The following THBS2 variants were observed in gnomAD, a reference collection of about 807,000 sequenced individuals.
THBS2 encodes the protein thrombospondin 2.
Under a neutral mutation model 135.2 loss-of-function variants are expected in THBS2, and 47 were observed. That is an observed-to-expected ratio of 0.35 (90% confidence interval 0.28 to 0.44). The LOEUF is 0.44. Ranked by LOEUF, THBS2 falls within the 20% of genes least tolerant of loss-of-function variation. The pLI, the probability that THBS2 is intolerant of heterozygous loss-of-function variation, is 1.00. For synonymous variants in THBS2, 639 were observed against 633.8 expected (o/e 1.01, Z -0.12); for missense variants, 1,288 against 1,603.1 (o/e 0.80, Z 3.36).
chr6:169,240,737 G>A (rs141143212), intron 5 of THBS2, 145 bp from the exon 6 acceptor site: 446 of 1,109,358 alleles, frequency 4.0e-4, no homozygotes, highest in Non-Finnish European at 5.4e-4. Flanking sequence ...TGGAAGTTCC[G>A]GAAGTTGTCC....
intron 21 of THBS2, among the ~76,000 whole-genome samples, chr6:169,219,253 G>A (rs1318349964): frequency 3.4e-5 from 3 of 87,472 alleles, no homozygotes; most frequent in Non-Finnish European, 6.9e-5. Flanking sequence ...TAGATGGATA[G>A]GTGGATGGGT....
At position 169,216,042 on chromosome 6, in the gene THBS2, C is replaced by T. The variant is rs1562350286; in HGVS notation, c.*1780G>A. ...CTCCCACACCATTGTACGGTTGACC[C>T]CACAACACAGAAACAGAAAACCTGC... On this transcript the variant is annotated 3_prime_UTR_variant, in exon 22 of 22. Coordinates refer to ENST00000617924, the MANE Select transcript of THBS2 (RefSeq NM_003247.5). 1 of 152,142 alleles carries T rather than the reference C, an allele frequency of 6.6e-6. No individual in the cohort carries two copies. Among genetic ancestry groups the T allele is most frequent in the Non-Finnish European group, 1.5e-5 (1 of 68,022 alleles). 9.4% of individuals were successfully genotyped at this position (152,142 alleles called of 1,614,324 possible).
chr6:169,224,437 C>G (rs909152853), intron 17 of THBS2, among the ~76,000 whole-genome samples: 3 of 152,208 alleles, frequency 2.0e-5, no homozygotes, highest in Non-Finnish European at 2.9e-5. Flanking sequence ...CCTTCTGATC[C>G]CAGCATCTCC....
Position 169,252,813 on chromosome 6 carries a change from T to C in THBS2, c.-23+911A>G, listed in dbSNP as rs75884205. 2.3e-3 allele frequency among the ~76,000 whole-genome samples: 346 copies of C among 152,340 alleles called. 2 individuals carry two copies. Among genetic ancestry groups the C allele is most frequent in the African/African-American group, 7.9e-3 (329 of 41,578 alleles). On this transcript the variant is annotated intron_variant, in intron 1 of 21. Transcript: ENST00000617924. The surrounding 1 kb of genome is among the most constrained non-coding windows in gnomAD (Gnocchi z 4.3). ...TCCAAAAGAAAGATTTCGGTGCCTGTCTGCAGCAGAATGTAGTTTGAATTT... is the reference window on the plus strand; with the variant it reads ...TCCAAAAGAAAGATTTCGGTGCCTGCCTGCAGCAGAATGTAGTTTGAATTT...
chr6:169,226,089 G>A lies in THBS2; in HGVS notation c.2538+91C>T, dbSNP rs1463889673. 2.8e-5 allele frequency: 39 copies of A among 1,394,660 alleles called. No homozygotes were observed. The South Asian group carries it at 4.4e-4, about 16-fold the overall frequency. 86.4% of individuals were successfully genotyped at this position (1,394,660 alleles called of 1,614,324 possible). A position where few individuals can be genotyped will look rare whatever the true frequency, so the allele number is the denominator to read the frequency against. On this transcript the variant is annotated intron_variant, in intron 16 of 21. Coordinates refer to ENST00000617924, the MANE Select transcript of THBS2 (RefSeq NM_003247.5). ...CATCTGGTCAGGGTTGTGCACCAGGGGCAGTTGTCACAGTGATCCCCCACA... is the reference window on the plus strand; with the variant it reads ...CATCTGGTCAGGGTTGTGCACCAGGAGCAGTTGTCACAGTGATCCCCCACA...
intron 10 of THBS2, 24 bp downstream of exon 10, chr6:169,234,710 C>T: frequency 6.7e-7 from 1 of 1,495,156 alleles, no homozygotes; most frequent in Non-Finnish European, 9.0e-7. Context: ...GGTTTCAGTG[C>T]CCCCGCTTCT....
At chr6:169,236,092 TCCACA>T (rs1780043840) in intron 9 of THBS2, among the ~76,000 whole-genome samples, 1 of 72,130 alleles carries the variant, frequency 1.4e-5, no homozygotes, top group East Asian at 4.3e-4. Context: ...CTCACTCCCA[TCCACA>T]CTCACTCCCC....
At position 169,228,276 on chromosome 6, in the gene THBS2, G is replaced by T. The variant is rs367576679; in HGVS notation, c.2265C>A (p.Asn755Lys). 6.2e-7 allele frequency: 1 copy of T among 1,614,090 alleles called. No individual in the cohort carries two copies. ...DNDGVTDEKD[N>K]CQLLFNPRQA... ...GGCGGGGATTGAAGAGGAGCTGGCAGTTGTCCTGGAAAACCAAGAAAGGGA... is the reference window on the plus strand; with the variant it reads ...GGCGGGGATTGAAGAGGAGCTGGCATTTGTCCTGGAAAACCAAGAAAGGGA... Residue 755 changes from asparagine to lysine, a missense_variant, in exon 15 of 22, where the codon AAC becomes AAA. Coordinates refer to ENST00000617924, the MANE Select transcript of THBS2 (RefSeq NM_003247.5).
chr6:169,225,055 T>G, intron 17 of THBS2, 90 bp downstream of exon 17: 1 of 1,285,828 alleles, frequency 7.8e-7, no homozygotes, highest in South Asian at 1.3e-5. Context: ...GCAGCAGATT[T>G]AAGATGATCT....
At chr6:169,239,497 G>A (rs1780216800) in intron 7 of THBS2, 102 bp downstream of exon 7, 7 of 1,114,406 alleles carry the variant, frequency 6.3e-6, no homozygotes, top group Non-Finnish European at 7.8e-6. Context: ...TCAGGGGGCT[G>A]AACCTCACTC....
At position 169,239,692 on chromosome 6, in the gene THBS2, A is replaced by G. The variant is rs1211247945; in HGVS notation, c.1036T>C (p.Phe346Leu). ...GTGATTTGGTGGCAAATGGTTTTAA[A>G]TTTCTACAAGTGAAGAAAGGCATGC... Reference protein sequence around the residue: ...DSCTTCTCKKFKTICHQITCP... With the variant: ...DSCTTCTCKKLKTICHQITCP... The change falls in exon 7 of 22, where the codon TTT (phenylalanine) becomes CTT (leucine). Residue 346 changes from phenylalanine (F) to leucine (L), a missense_variant. By Grantham distance (22) the Phe-to-Leu change is conservative. Around this residue, in one of 2 missense-constraint regions of THBS2, gnomAD observed 874 missense variants for 1,156.1 expected, o/e 0.76. Coordinates refer to ENST00000617924, the MANE Select transcript of THBS2 (RefSeq NM_003247.5). 8.8e-6 allele frequency: 14 copies of G among 1,592,816 alleles called. No individual in the cohort carries two copies. The highest frequency in any genetic ancestry group is 1.7e-4 in the Middle Eastern group (1 of 6,032).
rs1780546433 is a variant in THBS2, at chr6:169,246,122, C to T, written c.694+75G>A. 7.7e-6 allele frequency: 10 copies of T among 1,291,970 alleles called. No individual in the cohort carries two copies. The East Asian group carries it at 2.1e-4, about 27-fold the overall frequency. 80.0% of individuals were successfully genotyped at this position (1,291,970 alleles called of 1,614,324 possible). A position where few individuals can be genotyped will look rare whatever the true frequency, so the allele number is the denominator to read the frequency against. On this transcript the variant is annotated intron_variant, in intron 4 of 21. Transcript: ENST00000617924. ...AAGCATGAATGCACACACATACACA[C>T]ACACACATACACCATGTCACAATAG... is the stretch of plus-strand genomic sequence containing the variant.
chr6:169,228,376 A>C, intron 14 of THBS2, 95 bp from the exon 15 acceptor site: 6 of 1,431,258 alleles, frequency 4.2e-6, no homozygotes, highest in Non-Finnish European at 5.7e-6. Context: ...AGGTTGATGA[A>C]AATCAATATA....
At chr6:169,236,346 C>T (rs1780068884) in intron 9 of THBS2, among the ~76,000 whole-genome samples, 1 of 116,528 alleles carries the variant, frequency 8.6e-6, no homozygotes, top group Non-Finnish European at 1.8e-5. Context: ...CACTCACTCC[C>T]CATCCACACT....
In THBS2 at chr6:169,222,486, A is replaced by G; in HGVS notation, c.3002-18T>C. On this transcript the variant is annotated intron_variant, in intron 18 of 21. Coordinates refer to ENST00000617924, the MANE Select transcript of THBS2 (RefSeq NM_003247.5). ...GTCAAAACCTGGATGCAACGCCATAAGGTTTCGTTAGAAACACCTTTCAGG... is the reference window on the plus strand; with the variant it reads ...GTCAAAACCTGGATGCAACGCCATAGGGTTTCGTTAGAAACACCTTTCAGG... 6.2e-7 allele frequency: 1 copy of G among 1,604,968 alleles called. No homozygotes were observed. The highest frequency in any genetic ancestry group is 8.5e-7 in the Non-Finnish European group (1 of 1,174,234).
intron 4 of THBS2, among the ~76,000 whole-genome samples, chr6:169,243,326 T>C (rs1780439654): frequency 6.6e-6 from 1 of 152,192 alleles, no homozygotes; most frequent in African/African-American, 2.4e-5. Context: ...CGGGGTCCAG[T>C]CCTCAGGTCA....
At position 169,232,653 on chromosome 6, in the gene THBS2, G is replaced by A; in HGVS notation, c.1932+11C>T. On this transcript the variant is annotated intron_variant, in intron 12 of 21. Transcript: ENST00000617924. Reference sequence around the variant, plus strand: ...CGCTCGCAACACACAAGGAAGGCCGGCCTTGCGTACTTGCTTTTCCGTCTT... The same window carrying A: ...CGCTCGCAACACACAAGGAAGGCCGACCTTGCGTACTTGCTTTTCCGTCTT... The A allele has an allele frequency of 1.9e-6, 3 of 1,591,336 alleles. No individual in the cohort carries two copies. Among genetic ancestry groups the A allele is most frequent in the Non-Finnish European group, 2.6e-6 (3 of 1,169,222 alleles).
chr6:169,244,899 C>T (rs771345263), intron 4 of THBS2, among the ~76,000 whole-genome samples: 2 of 152,192 alleles, frequency 1.3e-5, no homozygotes, highest in African/African-American at 2.4e-5. Flanking sequence ...TCAAATGTCT[C>T]CTTGTTCTCC....
At chr6:169,227,857 G>A (rs570960089) in intron 15 of THBS2, among the ~76,000 whole-genome samples, 46 of 152,216 alleles carry the variant, frequency 3.0e-4, no homozygotes, top group Admixed American at 2.0e-4. Context: ...CAAGGCAGGC[G>A]GATCATTTGA....
Sources: gnomAD v4.1 joint callset for allele counts (sites outside exome capture counted in the v4.1 genomes callset) on GRCh38, gnomAD v4.1.1 for gene constraint, gnomAD v4.1.1 regional missense constraint, Gnocchi (gnomAD v3.1) non-coding constraint, MANE v1.5 for transcripts, NCBI Gene and HGNC (gene_info 2026-07-23, HGNC 2026-07-21) for gene names.